Variants in SLC24A3 observed in about 807,000 individuals in gnomAD.
SLC24A3 encodes the protein solute carrier family 24 member 3, also known as sodium/potassium/calcium exchanger 3.
Under a neutral mutation model 75.8 loss-of-function variants are expected in SLC24A3, and 28 were observed. The observed-to-expected ratio is 0.37, with a 90% CI of 0.27 to 0.51. SLC24A3 has a LOEUF of 0.51. Among genes scored for constraint, SLC24A3 ranks in the 20% least tolerant of loss-of-function variants. The pLI is 0.94. For synonymous variants in SLC24A3, 372 were observed against 334.1 expected, an observed-to-expected ratio of 1.11 and a Z score of -1.24; for missense variants, 663 against 847.8, an observed-to-expected ratio of 0.78 and a Z score of 2.71.
At chr20:19,281,506 C>T (rs1346295680) in intron 2 of SLC24A3, among the ~76,000 whole-genome samples, 1 of 152,178 alleles carries the variant, frequency 6.6e-6, no homozygotes, top group Non-Finnish European at 1.5e-5. Context: ...GCCGGATCGT[C>T]ACTCACGATG....
Position 19,617,453 on chromosome 20 carries a change from C to T in SLC24A3, c.612+31909C>T, listed in dbSNP as rs377373837. On this transcript the variant is annotated intron_variant, in intron 6 of 16. Transcript: ENST00000328041. ...CCTCTAGCAGTGAGGAAGGGAGCAACACCCTGGGACTCAAAGCGGCAGGGC... is the reference window on the plus strand; with the variant it reads ...CCTCTAGCAGTGAGGAAGGGAGCAATACCCTGGGACTCAAAGCGGCAGGGC... Among the ~76,000 whole-genome samples, 4 of 152,238 alleles carry T rather than the reference C, an allele frequency of 2.6e-5. No individual in the cohort carries two copies. The South Asian group carries it at 8.3e-4, about 32-fold the overall frequency.
intron 2 of SLC24A3, among the ~76,000 whole-genome samples, chr20:19,466,224 G>A (rs6112398): frequency 6.6e-6 from 1 of 152,102 alleles, no homozygotes; most frequent in Non-Finnish European, 1.5e-5. Flanking sequence ...CATTATTTCA[G>A]GTTGATTCCT....
intron 2 of SLC24A3, among the ~76,000 whole-genome samples, chr20:19,448,543 C>G (rs1167285633): frequency 6.6e-6 from 1 of 152,154 alleles, no homozygotes; most frequent in East Asian, 1.9e-4. Context: ...ACCATTTGTC[C>G]TTTTCTCCCC....
intron 2 of SLC24A3, among the ~76,000 whole-genome samples, chr20:19,322,854 T>C (rs1050547196): frequency 3.9e-5 from 6 of 152,048 alleles, no homozygotes; most frequent in Non-Finnish European, 7.4e-5. Context: ...AAAAAGACGG[T>C]AGACATAAAG....
intron 3 of SLC24A3, among the ~76,000 whole-genome samples, chr20:19,536,767 C>T (rs1284058286): frequency 1.3e-5 from 2 of 152,080 alleles, no homozygotes; most frequent in Non-Finnish European, 2.9e-5. Context: ...CAAAAACAGG[C>T]AATGGGGAAA....
intron 2 of SLC24A3, among the ~76,000 whole-genome samples, chr20:19,299,282 A>T (rs1299814723): frequency 6.6e-6 from 1 of 151,662 alleles, no homozygotes; most frequent in Non-Finnish European, 1.5e-5. Flanking sequence ...CTGCCTCATA[A>T]CATGTGTTTG....
chr20:19,402,830 G>A lies in SLC24A3; in HGVS notation c.272-112658G>A, dbSNP rs185729056. Among the ~76,000 whole-genome samples the A allele has an allele frequency of 4.6e-5, 7 of 152,290 alleles. No homozygotes were observed. In the East Asian group the frequency reaches 9.7e-4, roughly 21 times the overall value. On this transcript the variant is annotated intron_variant, in intron 2 of 16. Transcript: ENST00000328041. The stretch of plus-strand genomic sequence containing the variant: ...TATGGGATGCATTGAGCTTAGCAGG[G>A]CCCACACAGTGCTATCCAAAAGGAC...
At chr20:19,609,253 A>T (rs1023917148) in intron 6 of SLC24A3, among the ~76,000 whole-genome samples, 1 of 152,148 alleles carries the variant, frequency 6.6e-6, no homozygotes, top group Non-Finnish European at 1.5e-5. Context: ...TTTTATGGGG[A>T]AATTACACCA....
chr20:19,610,012 C>T (rs1257416240), intron 6 of SLC24A3, among the ~76,000 whole-genome samples: 2 of 152,226 alleles, frequency 1.3e-5, no homozygotes, highest in African/African-American at 2.4e-5. Flanking sequence ...GACCAGGAAA[C>T]TCAGGTGGAA....
chr20:19,708,644 C>A (rs138010023), intron 15 of SLC24A3, among the ~76,000 whole-genome samples: 2 of 152,238 alleles, frequency 1.3e-5, no homozygotes, highest in Admixed American at 1.3e-4. Context: ...ATTTACACCA[C>A]GGAAACAGGA....
chr20:19,447,999 C>T (rs919898392), intron 2 of SLC24A3, among the ~76,000 whole-genome samples: 3 of 152,228 alleles, frequency 2.0e-5, no homozygotes, highest in Non-Finnish European at 2.9e-5. Context: ...AGACTTTCAT[C>T]GTTTCATGAA....
At chr20:19,408,842 T>TG (rs1196870292) in intron 2 of SLC24A3, among the ~76,000 whole-genome samples, 8 of 152,370 alleles carry the variant, frequency 5.3e-5, no homozygotes, top group Middle Eastern at 3.4e-3. Flanking sequence ...CCATATAATG[T>TG]GGCAAATAAT....
intron 2 of SLC24A3, among the ~76,000 whole-genome samples, chr20:19,507,219 C>A (rs1488255245): frequency 6.6e-6 from 1 of 152,154 alleles, no homozygotes; most frequent in Non-Finnish European, 1.5e-5. Context: ...GACACCAGGG[C>A]TACAGAGAAG....
chr20:19,342,357 C>T (rs550049309), intron 2 of SLC24A3, among the ~76,000 whole-genome samples: 1 of 152,326 alleles, frequency 6.6e-6, no homozygotes, highest in African/African-American at 2.4e-5. Context: ...TGGAACAGAA[C>T]CATGGGACCT....
intron 2 of SLC24A3, among the ~76,000 whole-genome samples, chr20:19,441,076 G>C (rs1172323598): frequency 6.6e-6 from 1 of 152,170 alleles, no homozygotes; most frequent in African/African-American, 2.4e-5. Flanking sequence ...ACCCACTCCT[G>C]GGTGAGGCAG....
chr20:19,479,373 T>C (rs1028514349), intron 2 of SLC24A3, among the ~76,000 whole-genome samples: 1 of 152,256 alleles, frequency 6.6e-6, no homozygotes, highest in African/African-American at 2.4e-5. Flanking sequence ...AACTTGCACC[T>C]CTAGACTGGC....
chr20:19,684,366 C>T (rs1388650332), intron 11 of SLC24A3, 30 bp downstream of exon 11: 1 of 1,600,288 alleles, frequency 6.2e-7, no homozygotes, highest in African/African-American at 1.3e-5. Flanking sequence ...CCACTGCCCA[C>T]TGGACAGGGG....
chr20:19,413,421 A>C (rs1352344551), intron 2 of SLC24A3, among the ~76,000 whole-genome samples: 2 of 152,196 alleles, frequency 1.3e-5, no homozygotes, highest in African/African-American at 2.4e-5. Flanking sequence ...GAAATGCTGA[A>C]GAGTTAGAAA....
intron 1 of SLC24A3, among the ~76,000 whole-genome samples, chr20:19,258,207 C>T (rs1982873200): frequency 6.6e-6 from 1 of 152,208 alleles, no homozygotes; most frequent in Non-Finnish European, 1.5e-5. Flanking sequence ...GAGGCGGGCA[C>T]CTTTGCTGCC....
Sources: gnomAD v4.1 joint callset for allele counts (sites outside exome capture counted in the v4.1 genomes callset) on GRCh38, gnomAD v4.1.1 for gene constraint, MANE v1.5 for transcripts, NCBI Gene and HGNC (gene_info 2026-07-23, HGNC 2026-07-21) for gene names.